Variants in NOP14 observed in about 807,000 individuals in gnomAD.
NOP14 encodes the protein NOP14 nucleolar protein, also known as nucleolar protein 14.
In NOP14, 57 loss-of-function variants were observed where a neutral mutation model predicts 101.6. The ratio of observed to expected loss-of-function variants is 0.56; its 90% CI spans 0.45 to 0.70. The LOEUF (loss-of-function observed/expected upper bound fraction) is 0.70. Ranked by LOEUF, NOP14 falls within the 30% of genes least tolerant of loss-of-function variation. The pLI is 0.00. For synonymous variants in NOP14, 428 were observed against 424.0 expected, an observed-to-expected ratio of 1.01 and a Z score of -0.12; for missense variants, 1,134 against 1,075.5, an observed-to-expected ratio of 1.05 and a Z score of -0.76.
intron 8 of NOP14, among the ~76,000 whole-genome samples, chr4:2,949,224 G>A (rs1714854103): frequency 6.6e-6 from 1 of 152,142 alleles, no homozygotes; most frequent in Non-Finnish European, 1.5e-5. Flanking sequence ...TTTGTTTTGA[G>A]ACAGGGTCTT....
chr4:2,939,113 G>C (rs1179778935), intron 17 of NOP14, 75 bp downstream of exon 17: 14 of 1,589,552 alleles, frequency 8.8e-6, no homozygotes, highest in Non-Finnish European at 1.2e-5. Context: ...CAGGTGCCCG[G>C]TGCTCTGCCC....
Position 2,938,279 on chromosome 4 carries a change from G to A in NOP14, c.*552C>T. On this transcript the variant is annotated 3_prime_UTR_variant, in exon 18 of 18. Transcript: ENST00000416614. ...GGTGCTGTGGCTCACACCTATAATT[G>A]GGGGGCCAAGGCAGGTGGATTACCT... 1 of 1,224,822 alleles carries A rather than the reference G, an allele frequency of 8.2e-7. No homozygotes were observed. The highest frequency in any genetic ancestry group is 1.1e-6 in the Non-Finnish European group (1 of 930,584). 75.9% of individuals were successfully genotyped at this position (1,224,822 alleles called of 1,614,324 possible).
intron 6 of NOP14, 30 bp from the exon 7 acceptor site, chr4:2,951,275 G>C: frequency 6.2e-7 from 1 of 1,609,834 alleles, no homozygotes; most frequent in Non-Finnish European, 8.5e-7. Flanking sequence ...ATGTCTTAGA[G>C]CACACTCTTC....
Position 2,939,619 on chromosome 4 carries a change from T to G in NOP14, c.2226A>C (p.Glu742Asp), listed in dbSNP as rs773267966. 2 of 1,613,838 alleles carry G rather than the reference T, an allele frequency of 1.2e-6. No individual in the cohort carries two copies. Among genetic ancestry groups the G allele is most frequent in the Non-Finnish European group, 1.7e-6 (2 of 1,180,020 alleles). The change falls in exon 16 of 18, where the codon GAA (glutamate) becomes GAC (aspartate). Residue 742 changes from glutamate to aspartate, a missense_variant. By Grantham distance (45) the Glu-to-Asp change is conservative. Coordinates refer to ENST00000416614, the MANE Select transcript of NOP14 (RefSeq NM_001291978.2). The stretch of plus-strand genomic sequence containing the variant: ...GGCAGAGCTGCTTCTGGCTTTCCAT[T>G]TCGGTCAGTGTGCTCTGACACAGCT... ...LQELCQSTLT[E>D]MESQKQLCRP... is the part of the protein sequence containing the mutation.
At chr4:2,956,605 C>G in intron 3 of NOP14, 65 bp downstream of exon 3, 1 of 1,490,336 alleles carries the variant, frequency 6.7e-7, no homozygotes, top group South Asian at 1.3e-5. Context: ...AGCAGAAGGT[C>G]TAACAATGAA....
intron 15 of NOP14, among the ~76,000 whole-genome samples, 199 bp from the exon 16 acceptor site, chr4:2,939,844 G>A (rs770019789): frequency 1.3e-5 from 2 of 152,190 alleles, no homozygotes; most frequent in Admixed American, 1.3e-4. Context: ...TGGCACAGCC[G>A]GAACGAAGTA....
chr4:2,953,663 GAC>G lies in NOP14; in HGVS notation c.613-20_613-19del. The G allele has an allele frequency of 1.9e-6, 3 of 1,613,916 alleles. No homozygotes were observed. Among genetic ancestry groups the G allele is most frequent in the Non-Finnish European group, 2.5e-6 (3 of 1,179,964 alleles). On this transcript the variant is annotated intron_variant, in intron 4 of 17. Transcript: ENST00000416614. ...CTCTCCCTCTGGGGAAAAAATAACA[GAC>G]ACACACCACATACCGTTACTACTGG... is the stretch of plus-strand genomic sequence containing the variant.
intron 3 of NOP14, among the ~76,000 whole-genome samples, chr4:2,955,632 A>G (rs909692457): frequency 6.6e-6 from 1 of 152,160 alleles, no homozygotes; most frequent in South Asian, 2.1e-4. Flanking sequence ...CACTCGCCCA[A>G]CTCACACCAA....
In NOP14 at chr4:2,963,356, G is replaced by A; in HGVS notation, c.-37C>T. ...CGCTGCGCCCAAGGGCCCGAGACCC[G>A]AAGAGAGACAGGCGCGCGCTACCCT... On this transcript the variant is annotated 5_prime_UTR_variant, in exon 1 of 18. Coordinates refer to ENST00000416614, the MANE Select transcript of NOP14 (RefSeq NM_001291978.2). The A allele has an allele frequency of 2.0e-6, 3 of 1,514,590 alleles. No homozygotes were observed. The highest frequency in any genetic ancestry group is 2.9e-5 in the African/African-American group (2 of 68,818). 93.8% of individuals were successfully genotyped at this position (1,514,590 alleles called of 1,614,324 possible).
chr4:2,956,664 C>G lies in NOP14; in HGVS notation c.472+6G>C. ...CACAGGCCCGTGCACAGCACCCCAG[C>G]CTCACCAGACAACGTTCCTCGATCC... On this transcript the variant is annotated splice_donor_region_variant and intron_variant, in intron 3 of 17. Coordinates refer to ENST00000416614, the MANE Select transcript of NOP14 (RefSeq NM_001291978.2). 1 of 1,610,602 alleles carries G rather than the reference C, an allele frequency of 6.2e-7. No homozygotes were observed. The highest frequency in any genetic ancestry group is 8.5e-7 in the Non-Finnish European group (1 of 1,179,000).
At chr4:2,939,899 G>A (rs972971017) in intron 15 of NOP14, among the ~76,000 whole-genome samples, 3 of 152,214 alleles carry the variant, frequency 2.0e-5, no homozygotes, top group Non-Finnish European at 1.5e-5. Flanking sequence ...GCTGGCCCCT[G>A]AGAGCACTCT....
chr4:2,954,440 T>C lies in NOP14; in HGVS notation c.596A>G (p.Lys199Arg). 6.2e-7 allele frequency: 1 copy of C among 1,614,136 alleles called. No homozygotes were observed. Among genetic ancestry groups the C allele is most frequent in the Non-Finnish European group, 8.5e-7 (1 of 1,179,986 alleles). ...CTAACCCACCTTCTCTTGTTTTGAC[T>C]TGGCAATGAGCTCTTCAATCAGCTC... is the stretch of plus-strand genomic sequence containing the variant. ...RKELIEELIA[K>R]SKQEKRERQA... is the part of the protein sequence containing the mutation. The change falls in exon 4 of 18, where the codon AAG becomes AGG. Residue 199 changes from lysine (K) to arginine (R), a missense_variant. Physicochemically the swap from Lys to Arg is conservative, Grantham distance 26 (BLOSUM62 2). Coordinates refer to ENST00000416614, the MANE Select transcript of NOP14 (RefSeq NM_001291978.2).
At position 2,939,594 on chromosome 4, in the gene NOP14, G is replaced by A. The variant is rs138901812; in HGVS notation, c.2251C>T (p.Arg751Trp). The change falls in exon 16 of 18, where the codon CGG becomes TGG. Residue 751 changes from arginine to tryptophan, a missense_variant. Coordinates refer to ENST00000416614, the MANE Select transcript of NOP14 (RefSeq NM_001291978.2). ...TTGCTCTTCTCACAGGTCAGCGGCCGGCAGAGCTGCTTCTGGCTTTCCATT... is the reference window on the plus strand; with the variant it reads ...TTGCTCTTCTCACAGGTCAGCGGCCAGCAGAGCTGCTTCTGGCTTTCCATT... Reference protein sequence around the residue: ...TEMESQKQLCRPLTCEKSKPV... With the variant: ...TEMESQKQLCWPLTCEKSKPV... The A allele has an allele frequency of 1.2e-4, 194 of 1,613,920 alleles. No individual in the cohort carries two copies. The highest frequency in any genetic ancestry group is 4.6e-4 in the South Asian group (42 of 91,092).
intron 1 of NOP14, among the ~76,000 whole-genome samples, chr4:2,958,134 C>T (rs1715475272): frequency 6.6e-6 from 1 of 152,070 alleles, no homozygotes; most frequent in African/African-American, 2.4e-5. Context: ...TACTATTTCC[C>T]ATCAAAGGTA....
chr4:2,957,029 T>A (rs941381761), intron 2 of NOP14, among the ~76,000 whole-genome samples: 2 of 151,932 alleles, frequency 1.3e-5, no homozygotes, highest in African/African-American at 4.8e-5. Context: ...TCAGACAGAG[T>A]CTCGCTCTGT....
intron 6 of NOP14, 103 bp downstream of exon 6, chr4:2,952,172 T>C (rs1715067553): frequency 8.5e-7 from 1 of 1,174,368 alleles, no homozygotes; most frequent in Non-Finnish European, 1.2e-6. Flanking sequence ...AATATTCCAC[T>C]GATCAAACAG....
At position 2,945,179 on chromosome 4, in the gene NOP14, C is replaced by A; in HGVS notation, c.1686G>T (p.Trp562Cys). 1 of 1,590,954 alleles carries A rather than the reference C, an allele frequency of 6.3e-7. No homozygotes were observed. Among genetic ancestry groups the A allele is most frequent in the East Asian group, 2.3e-5 (1 of 44,082 alleles). ...TGLLFPTSDF[W>C]HPVVTPALVC... ...CGAGGGCAGGGGTCACCACTGGGTGCCAGAAGTCGGAAGTTGGAAATAGCA... is the reference window on the plus strand; with the variant it reads ...CGAGGGCAGGGGTCACCACTGGGTGACAGAAGTCGGAAGTTGGAAATAGCA... Residue 562 changes from tryptophan (W) to cysteine (C), a missense_variant, in exon 12 of 18, where the codon TGG (tryptophan) becomes TGT (cysteine). Coordinates refer to ENST00000416614, the MANE Select transcript of NOP14 (RefSeq NM_001291978.2).
At position 2,956,676 on chromosome 4, in the gene NOP14, A is replaced by G. The variant is rs1715363952; in HGVS notation, c.466T>C (p.Leu156=). Residue 156 remains leucine, a synonymous_variant, in exon 3 of 18, where the codon TTG becomes CTG. Coordinates refer to ENST00000416614, the MANE Select transcript of NOP14 (RefSeq NM_001291978.2). ...SDSDAEDRGT[L]SAELTAAHFG... The stretch of plus-strand genomic sequence containing the variant: ...CACAGCACCCCAGCCTCACCAGACA[A>G]CGTTCCTCGATCCTCAGCATCGCTG... 1 of 1,611,890 alleles carries G rather than the reference A, an allele frequency of 6.2e-7. No homozygotes were observed. The highest frequency in any genetic ancestry group is 1.3e-5 in the African/African-American group (1 of 74,864).
At chr4:2,948,893 A>C (rs1714831808) in intron 8 of NOP14, among the ~76,000 whole-genome samples, 1 of 152,238 alleles carries the variant, frequency 6.6e-6, no homozygotes, top group Admixed American at 6.5e-5. Context: ...AGCCATCCTG[A>C]CCTGGGCTGT....
Sources: allele counts gnomAD v4.1 joint callset (sites outside exome capture counted in the v4.1 genomes callset), GRCh38; gene constraint gnomAD v4.1.1; transcripts MANE v1.5; gene names NCBI Gene and HGNC (gene_info 2026-07-23, HGNC 2026-07-21).